Variants in ACAD10 observed in about 807,000 individuals in gnomAD.
The protein encoded by ACAD10 is acyl-CoA dehydrogenase family member 10.
A neutral mutation model predicts 116.8 loss-of-function variants in ACAD10; 112 were observed. That is an observed-to-expected ratio of 0.96 (90% CI 0.82 to 1.12). The LOEUF is 1.12. Among genes scored for constraint, ACAD10 ranks in the 50% most tolerant of loss-of-function variants. The pLI is 0.00. For missense variants in ACAD10, 1,259 were observed against 1,350.2 expected, an observed-to-expected ratio of 0.93 and a Z score of 1.06; for synonymous variants, 486 against 510.6, an observed-to-expected ratio of 0.95 and a Z score of 0.65.
In ACAD10 at chr12:111,749,236, C is replaced by T. The variant is rs1483296998; in HGVS notation, c.2708C>T (p.Pro903Leu). 2.5e-6 allele frequency: 4 copies of T among 1,614,144 alleles called. No homozygotes were observed. The South Asian group carries it at 4.4e-5, about 18-fold the overall frequency. ...CCCAAAGAGAACATGGTCCTGGGCC[C>T]TGGCCGAGGCTTTGAGATCGCCCAG... ...RVPKENMVLGPGRGFEIAQGR... is the reference protein window; with the variant it reads ...RVPKENMVLGLGRGFEIAQGR... The change falls in exon 18 of 21, where the codon CCT becomes CTT. Residue 903 changes from proline to leucine, a missense_variant. Pro to Leu is a moderately conservative substitution (Grantham distance 98, BLOSUM62 -3). Transcript: ENST00000313698.
At chr12:111,750,408 C>T (rs1890043645) in intron 18 of ACAD10, among the ~76,000 whole-genome samples, 1 of 152,120 alleles carries the variant, frequency 6.6e-6, no homozygotes, top group Admixed American at 6.6e-5. Context: ...GCGTGAGCCA[C>T]CGTGCCTGGC....
At chr12:111,704,607 G>A (rs1363147105) in intron 3 of ACAD10, among the ~76,000 whole-genome samples, 2 of 151,826 alleles carry the variant, frequency 1.3e-5, no homozygotes, top group South Asian at 2.1e-4. Flanking sequence ...GTGTGTATAT[G>A]TATATATAAA....
intron 4 of ACAD10, 116 bp from the exon 5 acceptor site, chr12:111,709,410 G>A (rs1477634526): frequency 1.2e-6 from 1 of 856,224 alleles, no homozygotes. Flanking sequence ...TAAATTACTT[G>A]TTATAATAAA....
intron 7 of ACAD10, among the ~76,000 whole-genome samples, chr12:111,717,449 C>T (rs1320017957): frequency 1.3e-5 from 2 of 151,812 alleles, no homozygotes; most frequent in African/African-American, 4.8e-5. Context: ...GATTTCATAG[C>T]TCACCTTTAA....
At chr12:111,698,433 A>T in intron 2 of ACAD10, among the ~76,000 whole-genome samples, 1 of 130,020 alleles carries the variant, frequency 7.7e-6, no homozygotes, top group Admixed American at 8.4e-5. Flanking sequence ...ATTATTGGTC[A>T]TTCAGTTTTT....
chr12:111,734,306 A>G (rs1200691459), intron 11 of ACAD10, among the ~76,000 whole-genome samples: 1 of 152,206 alleles, frequency 6.6e-6, no homozygotes, highest in East Asian at 1.9e-4. Flanking sequence ...TACACAGCTA[A>G]CTTCTATTTA....
intron 4 of ACAD10, among the ~76,000 whole-genome samples, chr12:111,707,577 G>T (rs1031220418): frequency 6.6e-6 from 1 of 152,168 alleles, no homozygotes; most frequent in Non-Finnish European, 1.5e-5. Flanking sequence ...CAGTGCAAAA[G>T]GGAACAGCTC....
At chr12:111,694,681 C>G (rs1343839731) in intron 2 of ACAD10, among the ~76,000 whole-genome samples, 3 of 152,308 alleles carry the variant, frequency 2.0e-5, no homozygotes, top group African/African-American at 7.2e-5. Context: ...GCCTCTGGCT[C>G]TCTGGATTTT....
chr12:111,731,589 C>T (rs1472062978), intron 10 of ACAD10, among the ~76,000 whole-genome samples: 2 of 152,202 alleles, frequency 1.3e-5, no homozygotes, highest in African/African-American at 4.8e-5. Flanking sequence ...GCACCCCCTC[C>T]CCTAGCTATA....
At chr12:111,714,113 C>T (rs1490143442) in intron 6 of ACAD10, among the ~76,000 whole-genome samples, 1 of 151,608 alleles carries the variant, frequency 6.6e-6, no homozygotes, top group Non-Finnish European at 1.5e-5. Context: ...GGCATGGTGG[C>T]ACATGCCTGT....
At chr12:111,746,677 C>T (rs978015461) in intron 14 of ACAD10, among the ~76,000 whole-genome samples, 2 of 152,132 alleles carry the variant, frequency 1.3e-5, no homozygotes, top group South Asian at 2.1e-4. Context: ...CGTGAGCCAC[C>T]ATGCCCATCC....
At position 111,718,036 on chromosome 12, in the gene ACAD10, C is replaced by CTTTTTTTTTTTTTTTTTTTT. The variant is rs560344796; in HGVS notation, c.992+2086_992+2105dup. On this transcript the variant is annotated intron_variant, in intron 7 of 20. Coordinates refer to ENST00000313698, the MANE Select transcript of ACAD10 (RefSeq NM_025247.6). ...TATACGTAGGATCTATAGTGATATC[C>CTTTTTTTTTTTTTTTTTTTT]TTTTTTTTTTTTTTTTTTTTTTTTT... Among the ~76,000 whole-genome samples the CTTTTTTTTTTTTTTTTTTTT allele has an allele frequency of 7.9e-5, 5 of 63,676 alleles. 1 individual carries two copies. The highest frequency in any genetic ancestry group is 3.3e-4 in the African/African-American group (4 of 12,206). The allele number at this position is 63,676 out of a possible 152,430, so 41.8% of individuals were successfully genotyped here.
Position 111,755,700 on chromosome 12 carries a change from G to T in ACAD10, c.2994G>T (p.Met998Ile). 2 of 1,613,802 alleles carry T rather than the reference G, an allele frequency of 1.2e-6. No homozygotes were observed. Among genetic ancestry groups the T allele is most frequent in the South Asian group, 2.2e-5 (2 of 91,060 alleles). ...AAALDIAMIK[M>I]VAPSMASRVI... ...CCTTGGATATAGCCATGATTAAAAT[G>T]GTCGCCCCGTCCATGGCCTCCCGAG... The change falls in exon 20 of 21, where the codon ATG becomes ATT. Residue 998 changes from methionine (M) to isoleucine (I), a missense_variant. Physicochemically the swap from Met to Ile is conservative, Grantham distance 10. Coordinates refer to ENST00000313698, the MANE Select transcript of ACAD10 (RefSeq NM_025247.6).
chr12:111,733,205 C>T (rs1232398825), intron 10 of ACAD10, among the ~76,000 whole-genome samples: 1 of 152,160 alleles, frequency 6.6e-6, no homozygotes, highest in Non-Finnish European at 1.5e-5. Context: ...CTCAGTGATG[C>T]TCCCACCTTA....
intron 4 of ACAD10, among the ~76,000 whole-genome samples, chr12:111,706,381 A>G (rs941142887): frequency 1.3e-5 from 2 of 152,072 alleles, no homozygotes; most frequent in East Asian, 1.9e-4. Flanking sequence ...GTGTATCCCA[A>G]CCTGTCATGT....
intron 3 of ACAD10, among the ~76,000 whole-genome samples, chr12:111,704,863 A>G (rs550559582): frequency 1.3e-5 from 2 of 151,474 alleles, no homozygotes; most frequent in African/African-American, 4.8e-5. Flanking sequence ...AATTTTTTGC[A>G]TTTTTAGTAG....
At chr12:111,745,480 A>C in intron 13 of ACAD10, 1 of 226,888 alleles carries the variant, frequency 4.4e-6, no homozygotes. Flanking sequence ...GATAAACAGA[A>C]ACACCCGCTG....
intron 4 of ACAD10, 46 bp from the exon 5 acceptor site, chr12:111,709,480 C>G: frequency 6.8e-7 from 1 of 1,464,806 alleles, no homozygotes; most frequent in Non-Finnish European, 9.1e-7. Flanking sequence ...CATGTGGGAG[C>G]TCCACCTTTC....
intron 7 of ACAD10, 113 bp downstream of exon 7, chr12:111,716,075 AC>A: frequency 6.9e-7 from 1 of 1,439,750 alleles, no homozygotes; most frequent in Non-Finnish European, 9.5e-7. Flanking sequence ...ATTTAAAACT[AC>A]AATTATGGGC....
Sources: gnomAD v4.1 joint callset for allele counts (sites outside exome capture counted in the v4.1 genomes callset) on GRCh38, gnomAD v4.1.1 for gene constraint, MANE v1.5 for transcripts, NCBI Gene and HGNC (gene_info 2026-07-23, HGNC 2026-07-21) for gene names.